Variants in SIPA1 observed in about 807,000 individuals in gnomAD.
SIPA1 encodes the protein signal-induced proliferation-associated protein 1.
A neutral mutation model predicts 88.1 loss-of-function variants in SIPA1; 51 were observed. The ratio of observed to expected loss-of-function variants is 0.58; its 90% CI spans 0.46 to 0.73. The LOEUF (loss-of-function observed/expected upper bound fraction) is 0.73, where lower values mean the gene tolerates loss of function less well. SIPA1 is among the 30% of genes least tolerant of loss of function. SIPA1 has a pLI of 0.00. For synonymous variants in SIPA1, 681 were observed against 664.8 expected, an observed-to-expected ratio of 1.02 and a Z score of -0.37; for missense variants, 1,348 against 1,467.6, an observed-to-expected ratio of 0.92 and a Z score of 1.33.
At position 65,650,816 on chromosome 11, in the gene SIPA1, C is replaced by A; in HGVS notation, c.*101C>A. On this transcript the variant is annotated 3_prime_UTR_variant, in exon 16 of 16. Coordinates refer to ENST00000534313, the MANE Select transcript of SIPA1 (RefSeq NM_006747.4). ...AGGCGTGTCTTAGCACTGCCCCCCT[C>A]CCTAGCCCCTTATTTGGTGGCGGAA... is the stretch of plus-strand genomic sequence containing the variant. The A allele has an allele frequency of 7.8e-7, 1 of 1,274,066 alleles. No homozygotes were observed. Among genetic ancestry groups the A allele is most frequent in the Non-Finnish European group, 1.0e-6 (1 of 953,220 alleles). 78.9% of individuals were successfully genotyped at this position (1,274,066 alleles called of 1,614,324 possible).
At position 65,649,297 on chromosome 11, in the gene SIPA1, AGCCTAGCCGG is replaced by A; in HGVS notation, c.2343_2352del (p.Glu781AspfsTer15). On this transcript the variant is annotated frameshift_variant, in exon 10 of 16. Transcript: ENST00000534313. LOFTEE classifies it high-confidence loss of function. ...GAGCTGTACACGCTGTCGCTGCAGG[AGCCTAGCCGG>A]CGGGGGGCCCCAGATCCTGTGCAGG... 1 of 1,553,016 alleles carries A rather than the reference AGCCTAGCCGG, an allele frequency of 6.4e-7. No individual in the cohort carries two copies. Among genetic ancestry groups the A allele is most frequent in the South Asian group, 1.2e-5 (1 of 84,426 alleles).
At chr11:65,643,659 C>A (rs982819702) in intron 4 of SIPA1, among the ~76,000 whole-genome samples, 1 of 152,196 alleles carries the variant, frequency 6.6e-6, no homozygotes, top group African/African-American at 2.4e-5. Flanking sequence ...GAGAGCCCTT[C>A]CTTGGCCAGG....
Position 65,650,291 on chromosome 11 carries a change from A to G in SIPA1, c.2903+99A>G, listed in dbSNP as rs141845344. ...GAGCTCTGTCCTGGGCTCTGCTGCCACATATGCCTAGAAGACCAGCGGGGC... is the reference window on the plus strand; with the variant it reads ...GAGCTCTGTCCTGGGCTCTGCTGCCGCATATGCCTAGAAGACCAGCGGGGC... On this transcript the variant is annotated intron_variant, in intron 14 of 15. Transcript: ENST00000534313. The G allele has an allele frequency of 1.9e-3, 2,883 of 1,536,256 alleles. 7 individuals are homozygous for G. Among genetic ancestry groups the G allele is most frequent in the Non-Finnish European group, 2.2e-3 (2,420 of 1,111,668 alleles).
chr11:65,642,712 A>C lies in SIPA1; in HGVS notation c.984+73A>C. On this transcript the variant is annotated intron_variant, in intron 4 of 15. Transcript: ENST00000534313. This position sits in a 1 kb window ranked among gnomAD's most constrained non-coding sequence, Gnocchi z 6.5. ...TGAACCCAGCCTGCCCAGCTCCCAA[A>C]CCCCTAGCCTTGACCCTGATCCTGG... 1 of 1,356,504 alleles carries C rather than the reference A, an allele frequency of 7.4e-7. No homozygotes were observed. The highest frequency in any genetic ancestry group is 9.7e-7 in the Non-Finnish European group (1 of 1,027,784). 84.0% of individuals were successfully genotyped at this position (1,356,504 alleles called of 1,614,324 possible).
chr11:65,649,256 C>T lies in SIPA1; in HGVS notation c.2307-6C>T, dbSNP rs1258497672. ...AAGTCCTGCCTGACCCTGTCCCACC[C>T]CACAGGAGTTTTTCGGAGCTGTACA... On this transcript the variant is annotated splice_region_variant and splice_polypyrimidine_tract_variant and intron_variant, in intron 9 of 15. Coordinates refer to ENST00000534313, the MANE Select transcript of SIPA1 (RefSeq NM_006747.4). 6.6e-7 allele frequency: 1 copy of T among 1,511,572 alleles called. No homozygotes were observed. Among genetic ancestry groups the T allele is most frequent in the East Asian group, 2.5e-5 (1 of 40,492 alleles). The allele number at this position is 1,511,572 out of a possible 1,614,324, so 93.6% of individuals were successfully genotyped here.
chr11:65,640,995 C>A lies in SIPA1; in HGVS notation c.74C>A (p.Ala25Asp). 1 of 1,587,098 alleles carries A rather than the reference C, an allele frequency of 6.3e-7. No homozygotes were observed. Among genetic ancestry groups the A allele is most frequent in the South Asian group, 1.1e-5 (1 of 88,620 alleles). ...CCTGCGTCCACAGATGACCTCTTTG[C>A]CCGCAAGCTGCGCCAGCCAGCAAGG... ...MAPASTDDLF[A>D]RKLRQPARPP... Residue 25 changes from alanine (A) to aspartate (D), a missense_variant, in exon 2 of 16, where the codon GCC (alanine) becomes GAC (aspartate). Ala to Asp is a moderately radical substitution (Grantham distance 126). Around this residue, in one of 4 missense-constraint regions of SIPA1, gnomAD observed 641 missense variants for 797.7 expected, o/e 0.80. Transcript: ENST00000534313.
rs1470748539 is a variant in SIPA1, at chr11:65,650,121, TC to T, written c.2849-14del. The stretch of plus-strand genomic sequence containing the variant: ...CCCCCTTTCTGACCTGCCCACCTGA[TC>T]CCTTTGTCCCCACAGGACAGCCCAT... On this transcript the variant is annotated splice_polypyrimidine_tract_variant and intron_variant, in intron 13 of 15. Coordinates refer to ENST00000534313, the MANE Select transcript of SIPA1 (RefSeq NM_006747.4). The T allele has an allele frequency of 1.2e-6, 2 of 1,613,748 alleles. No homozygotes were observed. Among genetic ancestry groups the T allele is most frequent in the Non-Finnish European group, 8.5e-7 (1 of 1,179,850 alleles).
In SIPA1 at chr11:65,642,035, G is replaced by A; in HGVS notation, c.680-215G>A. 1.6e-6 allele frequency: 1 copy of A among 632,526 alleles called. No individual in the cohort carries two copies. The highest frequency in any genetic ancestry group is 2.6e-6 in the Non-Finnish European group (1 of 381,138). The allele number at this position is 632,526 out of a possible 1,614,324, so 39.2% of individuals were successfully genotyped here. ...AGGCAGGATTTAGGCCTGGGAGCTGGCCGCGTGGGTCTAGGTCTGGGTCTG... is the reference window on the plus strand; with the variant it reads ...AGGCAGGATTTAGGCCTGGGAGCTGACCGCGTGGGTCTAGGTCTGGGTCTG... On this transcript the variant is annotated intron_variant, in intron 2 of 15. Coordinates refer to ENST00000534313, the MANE Select transcript of SIPA1 (RefSeq NM_006747.4). The surrounding 1 kb of genome is among the most constrained non-coding windows in gnomAD (Gnocchi z 6.5).
rs937346367 is a variant in SIPA1, at chr11:65,642,429, A to G, written c.808-34A>G. 5.6e-6 allele frequency: 9 copies of G among 1,604,344 alleles called. No individual in the cohort carries two copies. In the Admixed American group the frequency reaches 1.2e-4, roughly 21 times the overall value. Reference sequence around the variant, plus strand: ...GTGGGTTGCCTCCCCGACACCTTGTATGCATCCTGAGTGCCCTTACACCCC... The same window carrying G: ...GTGGGTTGCCTCCCCGACACCTTGTGTGCATCCTGAGTGCCCTTACACCCC... On this transcript the variant is annotated intron_variant, in intron 3 of 15. Coordinates refer to ENST00000534313, the MANE Select transcript of SIPA1 (RefSeq NM_006747.4). This position sits in a 1 kb window ranked among gnomAD's most constrained non-coding sequence, Gnocchi z 6.5.
At chr11:65,648,292 C>T (rs553048190) in intron 9 of SIPA1, among the ~76,000 whole-genome samples, 4 of 152,140 alleles carry the variant, frequency 2.6e-5, no homozygotes, top group Non-Finnish European at 5.9e-5. Context: ...ACCCAACACA[C>T]ACACTACACA....
chr11:65,642,379 T>C lies in SIPA1; in HGVS notation c.807+2T>C. The C allele has an allele frequency of 1.9e-6, 3 of 1,584,012 alleles. No homozygotes were observed. The highest frequency in any genetic ancestry group is 2.6e-6 in the Non-Finnish European group (3 of 1,163,898). Reference sequence around the variant, plus strand: ...CGCGTCATCGTGCGGACCACGCAGGTGGGCCGGGATCGCGGGATCAGGACG... The same window carrying C: ...CGCGTCATCGTGCGGACCACGCAGGCGGGCCGGGATCGCGGGATCAGGACG... On this transcript the variant is annotated splice_donor_variant, in intron 3 of 15. Transcript: ENST00000534313. LOFTEE classifies it high-confidence loss of function. The surrounding 1 kb of genome is among the most constrained non-coding windows in gnomAD (Gnocchi z 6.5).
chr11:65,642,427 G>A lies in SIPA1; in HGVS notation c.808-36G>A. 1.2e-6 allele frequency: 2 copies of A among 1,604,122 alleles called. No individual in the cohort carries two copies. The highest frequency in any genetic ancestry group is 1.7e-6 in the Non-Finnish European group (2 of 1,174,558). On this transcript the variant is annotated intron_variant, in intron 3 of 15. Transcript: ENST00000534313. This position sits in a 1 kb window ranked among gnomAD's most constrained non-coding sequence, Gnocchi z 6.5. Reference sequence around the variant, plus strand: ...ACGTGGGTTGCCTCCCCGACACCTTGTATGCATCCTGAGTGCCCTTACACC... The same window carrying A: ...ACGTGGGTTGCCTCCCCGACACCTTATATGCATCCTGAGTGCCCTTACACC...
chr11:65,649,422 G>A lies in SIPA1; in HGVS notation c.2467G>A (p.Asp823Asn). 1 of 1,598,032 alleles carries A rather than the reference G, an allele frequency of 6.3e-7. No individual in the cohort carries two copies. Among genetic ancestry groups the A allele is most frequent in the South Asian group, 1.1e-5 (1 of 88,990 alleles). ...QDGGSPPGPG[D>N]LAEERTEFLH... ...TGGTGGCAGTCCTCCAGGGCCTGGG[G>A]ATCTGGCCGAGGAGAGGACTGAGTT... Residue 823 changes from aspartate to asparagine, a missense_variant, in exon 10 of 16, where the codon GAT becomes AAT. This residue lies in a region of SIPA1 where 615 missense variants were observed against 559.8 expected (regional missense o/e 1.10). Transcript: ENST00000534313.
Position 65,647,521 on chromosome 11 carries a change from G to A in SIPA1, c.2169G>A (p.Arg723=), listed in dbSNP as rs929488706. Residue 723 remains arginine, a synonymous_variant, in exon 9 of 16, where the codon CGG becomes CGA. Coordinates refer to ENST00000534313, the MANE Select transcript of SIPA1 (RefSeq NM_006747.4). ...CATTCGCCGAGACGGCGGGGCTGCG[G>A]CCCGGGGCGCGCCTCCTGCGCGTGT... is the stretch of plus-strand genomic sequence containing the variant. ...RFTFAETAGL[R]PGARLLRVCG... 13 of 1,369,686 alleles carry A rather than the reference G, an allele frequency of 9.5e-6. No homozygotes were observed. Among genetic ancestry groups the A allele is most frequent in the Non-Finnish European group, 1.2e-5 (13 of 1,064,634 alleles). 84.8% of individuals were successfully genotyped at this position (1,369,686 alleles called of 1,614,324 possible). A position where few individuals can be genotyped will look rare whatever the true frequency, so the allele number is the denominator to read the frequency against.
chr11:65,648,632 G>A (rs927256624), intron 9 of SIPA1, among the ~76,000 whole-genome samples: 2 of 152,068 alleles, frequency 1.3e-5, no homozygotes, highest in African/African-American at 2.4e-5. Flanking sequence ...TCAGGAGTTC[G>A]AGACCAGCCT....
chr11:65,647,100 C>T, intron 8 of SIPA1, 35 bp downstream of exon 8: 1 of 1,462,408 alleles, frequency 6.8e-7, no homozygotes, highest in South Asian at 1.4e-5. Context: ...CCCCTGCGCG[C>T]GGCGGGGCGG....
In SIPA1 at chr11:65,646,155, G is replaced by T; in HGVS notation, c.1264-66G>T. On this transcript the variant is annotated intron_variant, in intron 6 of 15. Transcript: ENST00000534313. This position sits in a 1 kb window ranked among gnomAD's most constrained non-coding sequence, Gnocchi z 7.5. ...GCCATTGGTGCCTTGGCTTTCTCCT[G>T]CCTGAATGAGGAGGGGTTTGGGGCA... The T allele has an allele frequency of 6.4e-7, 1 of 1,573,836 alleles. No individual in the cohort carries two copies. Among genetic ancestry groups the T allele is most frequent in the Non-Finnish European group, 8.7e-7 (1 of 1,153,450 alleles).
At chr11:65,641,980 G>T in intron 2 of SIPA1, 1 of 553,870 alleles carries the variant, frequency 1.8e-6, no homozygotes. Context: ...GGACATAGAA[G>T]GGAGAATGAG....
intron 4 of SIPA1, 125 bp from the exon 5 acceptor site, chr11:65,644,830 A>G (rs1021506789): frequency 7.0e-5 from 65 of 932,204 alleles, no homozygotes; most frequent in Non-Finnish European, 1.0e-4. Context: ...CTGACAGGCA[A>G]GGGCACAAGT....
Sources: allele counts gnomAD v4.1 joint callset (sites outside exome capture counted in the v4.1 genomes callset), GRCh38; gene constraint gnomAD v4.1.1; regional missense constraint gnomAD v4.1.1; non-coding constraint Gnocchi (gnomAD v3.1); transcripts MANE v1.5; gene names NCBI Gene and HGNC (gene_info 2026-07-23, HGNC 2026-07-21).